Variants in DEPTOR observed in about 807,000 individuals in gnomAD.
DEPTOR encodes the protein DEP domain containing MTOR interacting protein.
Under a neutral mutation model 41.6 loss-of-function variants are expected in DEPTOR, and 41 were observed. The ratio of observed to expected loss-of-function variants is 0.98; its 90% CI spans 0.77 to 1.28. The LOEUF (loss-of-function observed/expected upper bound fraction) is 1.28, where lower values mean the gene tolerates loss of function less well. DEPTOR is among the 50% of genes most tolerant of loss of function. The pLI, the probability that DEPTOR is intolerant of heterozygous loss-of-function variation, is 0.00. For missense variants in DEPTOR, 514 were observed against 527.9 expected, an observed-to-expected ratio of 0.97 and a Z score of 0.26; for synonymous variants, 195 against 192.3, an observed-to-expected ratio of 1.01 and a Z score of -0.12.
intron 3 of DEPTOR, among the ~76,000 whole-genome samples, chr8:119,935,729 A>AAAAAG (rs1011489357): frequency 1.1e-4 from 17 of 152,050 alleles, no homozygotes; most frequent in East Asian, 3.9e-4. Context: ...TCAAAAAAAA[A>AAAAAG]AAAAGAAAAG....
chr8:120,039,255 G>T (rs368905577), intron 8 of DEPTOR, among the ~76,000 whole-genome samples: 6 of 152,164 alleles, frequency 3.9e-5, no homozygotes, highest in African/African-American at 1.4e-4. Flanking sequence ...CCAGACACCT[G>T]CCAGCACCTT....
intron 4 of DEPTOR, among the ~76,000 whole-genome samples, chr8:119,990,007 T>C (rs1812127572): frequency 6.6e-6 from 1 of 152,196 alleles, no homozygotes; most frequent in South Asian, 2.1e-4. Flanking sequence ...ATGAAATAAT[T>C]TTGTTTTTAG....
chr8:120,016,319 A>T (rs1812610776), intron 8 of DEPTOR, among the ~76,000 whole-genome samples: 1 of 148,552 alleles, frequency 6.7e-6, no homozygotes. Flanking sequence ...TTTTTTTGAG[A>T]TGGAGGTTCG....
intron 1 of DEPTOR, among the ~76,000 whole-genome samples, chr8:119,886,611 G>T (rs1314869381): frequency 6.6e-6 from 1 of 151,996 alleles, no homozygotes; most frequent in Non-Finnish European, 1.5e-5. Flanking sequence ...GAAAAACTGC[G>T]CTGGTTAATA....
chr8:119,907,141 T>G (rs1037661555), intron 1 of DEPTOR, among the ~76,000 whole-genome samples: 4 of 152,196 alleles, frequency 2.6e-5, no homozygotes, highest in African/African-American at 9.7e-5. Flanking sequence ...CAAAACTGTT[T>G]TTTTCACATG....
intron 1 of DEPTOR, among the ~76,000 whole-genome samples, chr8:119,901,560 C>G (rs1015221260): frequency 6.6e-6 from 1 of 151,620 alleles, no homozygotes; most frequent in African/African-American, 2.4e-5. Context: ...CCTATAGTCC[C>G]AACTACTTGG....
chr8:119,998,682 A>T (rs1013387570), intron 4 of DEPTOR, among the ~76,000 whole-genome samples: 1 of 152,106 alleles, frequency 6.6e-6, no homozygotes, highest in Non-Finnish European at 1.5e-5. Flanking sequence ...AATAAATCTC[A>T]ATGGATTTCT....
chr8:119,906,933 G>A (rs955962691), intron 1 of DEPTOR, among the ~76,000 whole-genome samples: 6 of 152,158 alleles, frequency 3.9e-5, no homozygotes, highest in Admixed American at 1.3e-4. Context: ...TGTGGTGAGT[G>A]ATTAATAAAA....
intron 3 of DEPTOR, among the ~76,000 whole-genome samples, chr8:119,943,102 C>T (rs1230617222): frequency 1.3e-5 from 2 of 152,206 alleles, no homozygotes; most frequent in Non-Finnish European, 2.9e-5. Context: ...GGCTGACTTA[C>T]ATGGACGGTT....
At chr8:119,924,548 CTTTA>C (rs776303246) in intron 1 of DEPTOR, among the ~76,000 whole-genome samples, 11 of 152,078 alleles carry the variant, frequency 7.2e-5, no homozygotes, top group Non-Finnish European at 1.3e-4. Context: ...TTGGCTGCTA[CTTTA>C]TTTATGTTTT....
At chr8:119,989,270 G>T (rs1167696602) in intron 4 of DEPTOR, among the ~76,000 whole-genome samples, 1 of 151,976 alleles carries the variant, frequency 6.6e-6, no homozygotes, top group Admixed American at 6.6e-5. Context: ...TAAAATATTA[G>T]GATTACAGGC....
intron 8 of DEPTOR, among the ~76,000 whole-genome samples, chr8:120,020,912 AG>A (rs1812695593): frequency 6.6e-6 from 1 of 150,406 alleles, no homozygotes; most frequent in Non-Finnish European, 1.5e-5. Flanking sequence ...TACAAAAAAT[AG>A]TTGGGCATGA....
intron 3 of DEPTOR, among the ~76,000 whole-genome samples, chr8:119,931,188 G>C (rs144339318): frequency 2.8e-4 from 43 of 152,156 alleles, no homozygotes; most frequent in Admixed American, 5.2e-4. Flanking sequence ...TCCAACCTGG[G>C]TGACAGAGTG....
chr8:119,893,011 G>C (rs1476973318), intron 1 of DEPTOR, among the ~76,000 whole-genome samples: 1 of 152,072 alleles, frequency 6.6e-6, no homozygotes, highest in Non-Finnish European at 1.5e-5. Flanking sequence ...TCGAACTCCT[G>C]TTCTCAGGTT....
chr8:120,042,073 T>G (rs372406153), intron 8 of DEPTOR, among the ~76,000 whole-genome samples: 26 of 145,830 alleles, frequency 1.8e-4, no homozygotes, highest in East Asian at 5.9e-4. Context: ...TGGAAACAGA[T>G]CCGATAAAGA....
intron 3 of DEPTOR, among the ~76,000 whole-genome samples, chr8:119,961,810 AG>A (rs1467887954): frequency 1.3e-5 from 2 of 152,224 alleles, no homozygotes; most frequent in Non-Finnish European, 2.9e-5. Flanking sequence ...TATTATTATT[AG>A]TTTCAAAGGA....
At chr8:119,947,492 C>G (rs1230014128) in intron 3 of DEPTOR, among the ~76,000 whole-genome samples, 1 of 152,158 alleles carries the variant, frequency 6.6e-6, no homozygotes, top group Non-Finnish European at 1.5e-5. Flanking sequence ...CGACCCTAGA[C>G]TGAAGTTAGT....
intron 1 of DEPTOR, among the ~76,000 whole-genome samples, chr8:119,880,556 A>G (rs970491014): frequency 6.6e-6 from 1 of 152,262 alleles, no homozygotes; most frequent in East Asian, 1.9e-4. Flanking sequence ...AATCATGTAT[A>G]TGAGAATATC....
chr8:119,895,983 A>G (rs189805448), intron 1 of DEPTOR, among the ~76,000 whole-genome samples: 1 of 152,252 alleles, frequency 6.6e-6, no homozygotes, highest in East Asian at 1.9e-4. Flanking sequence ...ATTGTTTAAC[A>G]CTTTTTAACA....
Sources: gnomAD v4.1 joint callset for allele counts (sites outside exome capture counted in the v4.1 genomes callset) on GRCh38, gnomAD v4.1.1 for gene constraint, MANE v1.5 for transcripts, NCBI Gene and HGNC (gene_info 2026-07-23, HGNC 2026-07-21) for gene names.